The following FREM1 variants were observed in gnomAD, a reference collection of about 807,000 sequenced individuals.
The protein encoded by FREM1 is FRAS1-related extracellular matrix protein 1.
FREM1 carries 220 observed loss-of-function variants against 210.1 expected under a neutral mutation model. The ratio of observed to expected loss-of-function variants is 1.05; its 90% CI spans 0.94 to 1.17. FREM1 has a LOEUF of 1.17. Ranked by LOEUF, FREM1 falls within the 50% of genes most tolerant of loss-of-function variation. The pLI is 0.00. For missense variants in FREM1, 3,454 were observed against 2,675.5 expected (o/e 1.29, Z -6.42); for synonymous variants, 1,189 against 980.2 (o/e 1.21, Z -3.98).
chr9:14,885,015 C>A (rs1835537436), intron 1 of FREM1, among the ~76,000 whole-genome samples: 1 of 137,510 alleles, frequency 7.3e-6, no homozygotes, highest in African/African-American at 3.1e-5. Context: ...AGCTCCGCCT[C>A]CCGGGTTCAC....
At chr9:14,898,943 C>A (rs1838268373) in intron 1 of FREM1, among the ~76,000 whole-genome samples, 1 of 152,106 alleles carries the variant, frequency 6.6e-6, no homozygotes, top group East Asian at 1.9e-4. Context: ...TTTCTATAAA[C>A]CTAAAACATC....
intron 16 of FREM1, among the ~76,000 whole-genome samples, chr9:14,808,706 G>C (rs935319812): frequency 5.3e-5 from 8 of 152,152 alleles, no homozygotes; most frequent in Non-Finnish European, 8.8e-5. Flanking sequence ...AACAGTCTGT[G>C]GAAAAGAAGA....
intron 16 of FREM1, among the ~76,000 whole-genome samples, chr9:14,810,807 A>T (rs1366654598): frequency 6.6e-6 from 1 of 152,236 alleles, no homozygotes; most frequent in Non-Finnish European, 1.5e-5. Flanking sequence ...AATAAAGAGA[A>T]TAAAATACTA....
At chr9:14,885,152 C>G (rs1485497642) in intron 1 of FREM1, among the ~76,000 whole-genome samples, 1 of 151,788 alleles carries the variant, frequency 6.6e-6, no homozygotes, top group African/African-American at 2.4e-5. Context: ...TCTCGATCTC[C>G]TGAGCTCGTG....
chr9:14,797,739 A>G, intron 20 of FREM1, 97 bp from the exon 21 acceptor site: 3 of 1,034,666 alleles, frequency 2.9e-6, no homozygotes, highest in Non-Finnish European at 4.4e-6. Flanking sequence ...CAGGGGTATT[A>G]GCAAGAGTTC....
chr9:14,742,476 G>T (rs1478195569), intron 35 of FREM1, among the ~76,000 whole-genome samples: 1 of 152,008 alleles, frequency 6.6e-6, no homozygotes, highest in Non-Finnish European at 1.5e-5. Context: ...CTTTGACTTA[G>T]AAAAATAATA....
chr9:14,837,540 T>C (rs963154232), intron 10 of FREM1, among the ~76,000 whole-genome samples: 5 of 152,146 alleles, frequency 3.3e-5, no homozygotes, highest in Non-Finnish European at 5.9e-5. Flanking sequence ...TACATTCTTC[T>C]TACACAAAGA....
In FREM1 at chr9:14,859,344, T is replaced by C. The variant is rs781139739; in HGVS notation, c.470A>G (p.Asn157Ser). ...CCTATCATAATCGAATCTGAGCAGA[T>C]TTTTATCAATCGCTTGGGACAAGCC... is the stretch of plus-strand genomic sequence containing the variant. ...FNGLSQAIDK[N>S]LLRFDYDRMA... The change falls in exon 4 of 37, where the codon AAT (asparagine) becomes AGT (serine). Residue 157 changes from asparagine (N) to serine (S), a missense_variant. By Grantham distance (46) the Asn-to-Ser change is conservative (BLOSUM62 1). Transcript: ENST00000380880. 6.2e-7 allele frequency: 1 copy of C among 1,613,894 alleles called. No homozygotes were observed. Among genetic ancestry groups the C allele is most frequent in the Non-Finnish European group, 8.5e-7 (1 of 1,179,860 alleles).
intron 1 of FREM1, among the ~76,000 whole-genome samples, chr9:14,904,319 T>C (rs889360124): frequency 1.3e-5 from 2 of 152,072 alleles, no homozygotes; most frequent in East Asian, 1.9e-4. Flanking sequence ...AACAAAGATA[T>C]AGAAGACAAG....
rs780923991 is a variant in FREM1 at position 14,788,899 on chromosome 9, C to A, written c.4177+20G>T. ...GTTAGCAAAGTTGATCCCAGTAAAC[C>A]TTGGTAGACGTGCTTTTACCTTTTT... On this transcript the variant is annotated intron_variant, in intron 23 of 36. Coordinates refer to ENST00000380880, the MANE Select transcript of FREM1 (RefSeq NM_001379081.2). 6.3e-7 allele frequency: 1 copy of A among 1,598,214 alleles called. No homozygotes were observed.
At chr9:14,903,543 G>A (rs1333089981) in intron 1 of FREM1, among the ~76,000 whole-genome samples, 1 of 152,046 alleles carries the variant, frequency 6.6e-6, no homozygotes, top group Non-Finnish European at 1.5e-5. Flanking sequence ...GCCTCATTCA[G>A]GATTCCGTAA....
At chr9:14,832,487 G>A (rs1210848178) in intron 10 of FREM1, among the ~76,000 whole-genome samples, 5 of 152,090 alleles carry the variant, frequency 3.3e-5, no homozygotes, top group East Asian at 1.9e-4. Context: ...AAGAAACAGG[G>A]GAAACACAAT....
Position 14,801,661 on chromosome 9 carries a change from G to A in FREM1, c.3685C>T (p.Leu1229Phe), listed in dbSNP as rs1332798125. The stretch of plus-strand genomic sequence containing the variant: ...GTGGAACATGCTATACCAGTCTTGA[G>A]GAGTTCCATGGAAAAGCTGTGAACA... ...APVHSFSMEL[L>F]KTGMRLTYMH... is the part of the protein sequence containing the mutation. Residue 1229 changes from leucine (L) to phenylalanine (F), a missense_variant, in exon 20 of 37, where the codon CTC becomes TTC. Physicochemically the swap from Leu to Phe is conservative, Grantham distance 22. Transcript: ENST00000380880. 2 of 1,607,014 alleles carry A rather than the reference G, an allele frequency of 1.2e-6. No individual in the cohort carries two copies. Among genetic ancestry groups the A allele is most frequent in the East Asian group, 2.2e-5 (1 of 44,850 alleles).
intron 3 of FREM1, among the ~76,000 whole-genome samples, chr9:14,860,251 G>T: frequency 6.6e-6 from 1 of 151,960 alleles, no homozygotes; most frequent in East Asian, 1.9e-4. Context: ...AGGCATAACG[G>T]GCTCAGGTAG....
intron 3 of FREM1, among the ~76,000 whole-genome samples, chr9:14,860,674 C>A (rs1588427367): frequency 9.1e-6 from 1 of 110,080 alleles, no homozygotes; most frequent in Non-Finnish European, 1.7e-5. Context: ...CATATATACA[C>A]ACATATATAC....
intron 29 of FREM1, among the ~76,000 whole-genome samples, chr9:14,752,927 A>AG (rs1388380320): frequency 6.6e-6 from 1 of 152,224 alleles, no homozygotes; most frequent in Non-Finnish European, 1.5e-5. Flanking sequence ...CCAGATGGTT[A>AG]GGGGTTGGAG....
rs142030744 is a variant in FREM1 at position 14,858,664 on chromosome 9, G to A, written c.631+519C>T. Among the ~76,000 whole-genome samples the A allele has an allele frequency of 1.5e-3, 224 of 152,232 alleles. 1 individual carries two copies. Among genetic ancestry groups the A allele is most frequent in the African/African-American group, 5.1e-3 (210 of 41,538 alleles). On this transcript the variant is annotated intron_variant, in intron 4 of 36. Transcript: ENST00000380880. Reference sequence around the variant, plus strand: ...TCATAGTTTCTAGAGAGAACAGGAGGTGCCCAAAATAGGTTGATTGAGTGA... The same window carrying A: ...TCATAGTTTCTAGAGAGAACAGGAGATGCCCAAAATAGGTTGATTGAGTGA...
At chr9:14,825,455 T>G (rs1588194626) in intron 10 of FREM1, among the ~76,000 whole-genome samples, 1 of 134,392 alleles carries the variant, frequency 7.4e-6, no homozygotes, top group South Asian at 2.4e-4. Context: ...GCCATTGCAC[T>G]CCAGCCTGGA....
rs1825838374 is a variant in FREM1, at chr9:14,842,361, G to A, written c.1693C>T (p.Pro565Ser). ...TTCTTCATGATCTCCCCAGCCTGTG[G>A]AGGCTTTGTGATATTGAAGAAGATG... ...DYIFFNITKP[P>S]QAGEIMKKPG... Residue 565 changes from proline to serine, a missense_variant, in exon 9 of 37, where the codon CCA becomes TCA. Pro to Ser is a moderately conservative substitution (Grantham distance 74). Transcript: ENST00000380880. 6.2e-7 allele frequency: 1 copy of A among 1,607,718 alleles called. No homozygotes were observed. Among genetic ancestry groups the A allele is most frequent in the Non-Finnish European group, 8.5e-7 (1 of 1,175,530 alleles).
Sources: gnomAD v4.1 joint callset for allele counts (sites outside exome capture counted in the v4.1 genomes callset) on GRCh38, gnomAD v4.1.1 for gene constraint, MANE v1.5 for transcripts, NCBI Gene and HGNC (gene_info 2026-07-23, HGNC 2026-07-21) for gene names.